The following WWOX variants were observed in gnomAD, a reference collection of about 807,000 sequenced individuals.
WWOX encodes WW domain containing oxidoreductase, also known as WW domain-containing oxidoreductase.
Under a neutral mutation model 46.2 loss-of-function variants are expected in WWOX, and 69 were observed. The observed-to-expected ratio is 1.49, with a 90% CI of 1.23 to 1.82. The LOEUF (loss-of-function observed/expected upper bound fraction) is 1.82, where lower values mean the gene tolerates loss of function less well. Ranked by LOEUF, WWOX falls within the 40% of genes most tolerant of loss-of-function variation. The probability of loss-of-function intolerance (pLI) is 0.00; values close to 1 mark genes in which losing one functional copy is unlikely to be tolerated. For synonymous variants in WWOX, 359 were observed against 202.6 expected (o/e 1.77, Z -6.56); for missense variants, 919 against 542.6 (o/e 1.69, Z -6.89).
At chr16:79,176,893 C>T (rs746303793) in intron 8 of WWOX, among the ~76,000 whole-genome samples, 4 of 152,150 alleles carry the variant, frequency 2.6e-5, no homozygotes, top group Admixed American at 2.6e-4. Context: ...CTGGCATAAT[C>T]CAGGCCGACT....
intron 8 of WWOX, among the ~76,000 whole-genome samples, chr16:78,810,767 CTT>C (rs1412917446): frequency 6.6e-6 from 1 of 152,118 alleles, no homozygotes; most frequent in Non-Finnish European, 1.5e-5. Context: ...TCTATGAAGA[CTT>C]TCTTTTTGGA....
chr16:78,282,203 A>G (rs909796524), intron 5 of WWOX, among the ~76,000 whole-genome samples: 6 of 152,178 alleles, frequency 3.9e-5, no homozygotes, highest in Non-Finnish European at 8.8e-5. Flanking sequence ...TGGTAAAATG[A>G]GGTCCAATTT....
chr16:78,495,221 A>T (rs1312879088), intron 8 of WWOX, among the ~76,000 whole-genome samples: 2 of 141,764 alleles, frequency 1.4e-5, no homozygotes, highest in Non-Finnish European at 1.5e-5. Flanking sequence ...GCTCACTGCA[A>T]CTTTTGCCTC....
At chr16:78,853,779 C>T in intron 8 of WWOX, among the ~76,000 whole-genome samples, 1 of 152,170 alleles carries the variant, frequency 6.6e-6, no homozygotes, top group East Asian at 1.9e-4. Context: ...GAGGTTTTCA[C>T]TGAACCAAGA....
intron 8 of WWOX, among the ~76,000 whole-genome samples, chr16:78,731,087 G>A (rs1419598644): frequency 1.3e-5 from 2 of 152,144 alleles, no homozygotes; most frequent in Non-Finnish European, 2.9e-5. Flanking sequence ...TTGATGTCAT[G>A]GGTGGGAAAT....
At chr16:79,049,143 G>C (rs1429055389) in intron 8 of WWOX, among the ~76,000 whole-genome samples, 1 of 152,184 alleles carries the variant, frequency 6.6e-6, no homozygotes, top group Non-Finnish European at 1.5e-5. Context: ...TAGACTTTGT[G>C]ACCCATACAG....
chr16:79,031,974 C>G (rs1316055314), intron 8 of WWOX, among the ~76,000 whole-genome samples: 14 of 142,140 alleles, frequency 9.8e-5, no homozygotes, highest in African/African-American at 3.3e-4. Context: ...AGAGAGGGAA[C>G]TGAACGGGAT....
chr16:78,200,433 G>A (rs191032926), intron 5 of WWOX, among the ~76,000 whole-genome samples: 69 of 150,918 alleles, frequency 4.6e-4, no homozygotes, highest in Middle Eastern at 6.8e-3. Flanking sequence ...TGGTTTAGAT[G>A]TCTGATTTCT....
At chr16:78,123,276 G>C (rs915907214) in intron 4 of WWOX, 1 of 151,860 alleles carries the variant, frequency 6.6e-6, no homozygotes, top group Non-Finnish European at 1.5e-5. Flanking sequence ...TCACACAAGG[G>C]CATGTGTTTT....
chr16:78,913,812 C>T (rs2045175009), intron 8 of WWOX, among the ~76,000 whole-genome samples: 1 of 151,920 alleles, frequency 6.6e-6, no homozygotes, highest in African/African-American at 2.4e-5. Context: ...AAGTGTGCAC[C>T]ACAATGCCCA....
intron 8 of WWOX, chr16:78,534,398 A>G (rs983213847): frequency 6.6e-6 from 1 of 152,210 alleles, no homozygotes; most frequent in Non-Finnish European, 1.5e-5. Context: ...GAAACAACCA[A>G]CTGAAAACCA....
In WWOX at chr16:78,533,436, A is replaced by G. The variant is rs527487586; in HGVS notation, c.1056+100684A>G. ...TAAAAAAAAAAAAAATCCCCAAAAA[A>G]TCTCATAATGTTTTAAGAAAGTTTA... On this transcript the variant is annotated intron_variant, in intron 8 of 8. Coordinates refer to ENST00000566780, the MANE Select transcript of WWOX (RefSeq NM_016373.4). 4.0e-5 allele frequency among the ~76,000 whole-genome samples: 6 copies of G among 151,746 alleles called. No homozygotes were observed. The East Asian group carries it at 9.7e-4, about 25-fold the overall frequency.
intron 2 of WWOX, among the ~76,000 whole-genome samples, chr16:78,108,793 G>A (rs1478039239): frequency 1.3e-5 from 2 of 152,196 alleles, no homozygotes; most frequent in African/African-American, 4.8e-5. Flanking sequence ...TTTGAGACTA[G>A]CCTGGCCAAC....
intron 8 of WWOX, among the ~76,000 whole-genome samples, chr16:79,001,274 G>A (rs2047087699): frequency 6.6e-6 from 1 of 151,680 alleles, no homozygotes; most frequent in African/African-American, 2.4e-5. Flanking sequence ...AGGCCTCCCC[G>A]CCCCCCTAAA....
chr16:78,719,790 A>T (rs949668385), intron 8 of WWOX, among the ~76,000 whole-genome samples: 4 of 152,188 alleles, frequency 2.6e-5, no homozygotes, highest in African/African-American at 9.6e-5. Context: ...CAGGGGTATT[A>T]TGTTTTCTCT....
chr16:78,299,470 A>C (rs1843344136), intron 5 of WWOX, among the ~76,000 whole-genome samples: 1 of 151,484 alleles, frequency 6.6e-6, no homozygotes, highest in Non-Finnish European at 1.5e-5. Flanking sequence ...ATTTCTGCAC[A>C]TCTGTTGAGC....
intron 8 of WWOX, among the ~76,000 whole-genome samples, chr16:78,946,008 A>G (rs375684190): frequency 1.3e-5 from 2 of 152,138 alleles, no homozygotes; most frequent in Non-Finnish European, 2.9e-5. Context: ...GGGCAACCCA[A>G]AAGAGCCGCT....
At chr16:78,811,946 T>G (rs1040071887) in intron 8 of WWOX, among the ~76,000 whole-genome samples, 1 of 152,192 alleles carries the variant, frequency 6.6e-6, no homozygotes, top group African/African-American at 2.4e-5. Flanking sequence ...ATAAATGGAA[T>G]TTTTAAAGAA....
At chr16:78,746,810 C>A (rs529615077) in intron 8 of WWOX, among the ~76,000 whole-genome samples, 1 of 152,202 alleles carries the variant, frequency 6.6e-6, no homozygotes, top group African/African-American at 2.4e-5. Flanking sequence ...CAACCTCAAC[C>A]AATTCTTAGA....
Sources: gnomAD v4.1 joint callset for allele counts (sites outside exome capture counted in the v4.1 genomes callset) on GRCh38, gnomAD v4.1.1 for gene constraint, MANE v1.5 for transcripts, NCBI Gene and HGNC (gene_info 2026-07-23, HGNC 2026-07-21) for gene names.